The following MMP16 variants were observed in gnomAD, a reference collection of about 807,000 sequenced individuals.
MMP16 encodes matrix metalloproteinase-16.
A neutral mutation model predicts 67.8 loss-of-function variants in MMP16; 12 were observed. The ratio of observed to expected loss-of-function variants is 0.18; its 90% CI spans 0.11 to 0.29. The LOEUF is 0.29. Ranked by LOEUF, MMP16 falls within the 10% of genes least tolerant of loss-of-function variation. The pLI is 1.00. For missense variants in MMP16, 475 were observed against 765.7 expected (o/e 0.62, Z 4.48); for synonymous variants, 249 against 255.9 (o/e 0.97, Z 0.26).
chr8:88,308,979 C>CA (rs71277998), intron 1 of MMP16, among the ~76,000 whole-genome samples: 5,770 of 149,362 alleles, frequency 0.039, 135 homozygotes, highest in Middle Eastern at 0.09. Flanking sequence ...TTTACACTTG[C>CA]AAAAAAAAAT....
chr8:88,294,767 C>A (rs551152746), intron 1 of MMP16, among the ~76,000 whole-genome samples: 321 of 152,062 alleles, frequency 2.1e-3, no homozygotes, highest in African/African-American at 7.1e-3. Flanking sequence ...CAGGCTGGAG[C>A]GCAGTGGTGC....
chr8:88,168,365 T>C (rs28907592), intron 3 of MMP16, among the ~76,000 whole-genome samples: 11,587 of 152,224 alleles, frequency 0.076, 467 homozygotes, highest in South Asian at 0.11. Flanking sequence ...ACCATTGTAT[T>C]TGCACACATC....
At chr8:88,277,895 T>C (rs1284727846) in intron 1 of MMP16, among the ~76,000 whole-genome samples, 1 of 152,224 alleles carries the variant, frequency 6.6e-6, no homozygotes, top group Non-Finnish European at 1.5e-5. Flanking sequence ...GTGTTCCTCA[T>C]GCAGTAACAT....
At position 88,327,043 on chromosome 8, in the gene MMP16, C is replaced by A. The variant is rs752766355; in HGVS notation, c.132+32G>T. The A allele has an allele frequency of 2.5e-6, 4 of 1,611,808 alleles. No homozygotes were observed. In the Admixed American group the frequency reaches 6.7e-5, roughly 27 times the overall value. On this transcript the variant is annotated intron_variant, in intron 1 of 9. Coordinates refer to ENST00000286614, the MANE Select transcript of MMP16 (RefSeq NM_005941.5). ...ATGTTTCAGGGAGCAGCCCAGGCAG[C>A]GGGGGGAGGAAGAAAGCCCTCGCAC...
chr8:88,044,682 A>C (rs1301206349), intron 9 of MMP16, among the ~76,000 whole-genome samples: 1 of 152,090 alleles, frequency 6.6e-6, no homozygotes, highest in Non-Finnish European at 1.5e-5. Context: ...GGACTTGTCT[A>C]TTGTTTCATC....
intron 4 of MMP16, among the ~76,000 whole-genome samples, chr8:88,166,688 C>CATATATATATAT (rs1166566212): frequency 1.2e-3 from 70 of 58,382 alleles, no homozygotes; most frequent in Non-Finnish European, 1.8e-3. Flanking sequence ...CAAAAAATTA[C>CATATATATATAT]ATATATATAT....
chr8:88,079,591 T>C (rs1453785960), intron 6 of MMP16, among the ~76,000 whole-genome samples: 2 of 152,170 alleles, frequency 1.3e-5, no homozygotes, highest in African/African-American at 4.8e-5. Flanking sequence ...TCAGCTGAAA[T>C]GTTATTCCGT....
chr8:88,224,465 A>G (rs1809736645), intron 1 of MMP16, among the ~76,000 whole-genome samples: 1 of 151,992 alleles, frequency 6.6e-6, no homozygotes, highest in Admixed American at 6.6e-5. Flanking sequence ...GTTTCTTTAG[A>G]CAGTTTATAT....
At chr8:88,211,374 A>G (rs1030348680) in intron 1 of MMP16, among the ~76,000 whole-genome samples, 1 of 152,176 alleles carries the variant, frequency 6.6e-6, no homozygotes, top group African/African-American at 2.4e-5. Flanking sequence ...TGGTGCATAC[A>G]GATTTGGGGG....
Position 88,041,946 on chromosome 8 carries a change from G to T in MMP16, c.1490-151C>A, listed in dbSNP as rs1295065771. On this transcript the variant is annotated intron_variant, in intron 9 of 9. Transcript: ENST00000286614. This position sits in a 1 kb window ranked among gnomAD's most constrained non-coding sequence, Gnocchi z 6.0. ...AGAAAACACTATTTTCAGCTCAGCT[G>T]TCTGTTAAGATGGCTGTGGCTGCTG... 2 of 654,570 alleles carry T rather than the reference G, an allele frequency of 3.1e-6. No individual in the cohort carries two copies. The highest frequency in any genetic ancestry group is 5.2e-6 in the Non-Finnish European group (2 of 387,308). 40.5% of individuals were successfully genotyped at this position (654,570 alleles called of 1,614,324 possible).
chr8:88,241,716 TTTAA>T, intron 1 of MMP16, among the ~76,000 whole-genome samples: 1 of 152,034 alleles, frequency 6.6e-6, no homozygotes, highest in Middle Eastern at 3.3e-3. Flanking sequence ...ACTTTTTCCT[TTTAA>T]TTGACAAATA....
chr8:88,107,374 T>G (rs1443940291), intron 6 of MMP16, among the ~76,000 whole-genome samples: 1 of 151,128 alleles, frequency 6.6e-6, no homozygotes, highest in East Asian at 1.9e-4. Context: ...TTACTTTTAA[T>G]TTTTAGAATA....
At chr8:88,227,132 T>G (rs1396778473) in intron 1 of MMP16, among the ~76,000 whole-genome samples, 1 of 152,036 alleles carries the variant, frequency 6.6e-6, no homozygotes, top group Non-Finnish European at 1.5e-5. Flanking sequence ...TAATGATGTG[T>G]AGTCTGTGAG....
intron 6 of MMP16, among the ~76,000 whole-genome samples, chr8:88,087,378 C>T (rs761132811): frequency 8.6e-5 from 13 of 151,752 alleles, no homozygotes; most frequent in South Asian, 2.1e-4. Context: ...GCTTTTTAGC[C>T]GACTGTCCTG....
At chr8:88,066,113 C>T (rs1250188517) in intron 7 of MMP16, among the ~76,000 whole-genome samples, 1 of 152,090 alleles carries the variant, frequency 6.6e-6, no homozygotes, top group Non-Finnish European at 1.5e-5. Context: ...AACCTTTCAG[C>T]TACTTGATTT....
At chr8:88,193,656 G>A (rs1468586742) in intron 2 of MMP16, among the ~76,000 whole-genome samples, 1 of 151,894 alleles carries the variant, frequency 6.6e-6, no homozygotes, top group Non-Finnish European at 1.5e-5. Flanking sequence ...ACCCTGATTT[G>A]ATCACTATGT....
At position 88,041,824 on chromosome 8, in the gene MMP16, G is replaced by A; in HGVS notation, c.1490-29C>T. On this transcript the variant is annotated intron_variant, in intron 9 of 9. Coordinates refer to ENST00000286614, the MANE Select transcript of MMP16 (RefSeq NM_005941.5). The surrounding 1 kb of genome is among the most constrained non-coding windows in gnomAD (Gnocchi z 6.0). ...GGGGGAAAAACATACACACACACAGGTACCACTTATTTGTGACAGTGTATA... is the reference window on the plus strand; with the variant it reads ...GGGGGAAAAACATACACACACACAGATACCACTTATTTGTGACAGTGTATA... 2 of 1,485,594 alleles carry A rather than the reference G, an allele frequency of 1.3e-6. No individual in the cohort carries two copies. Among genetic ancestry groups the A allele is most frequent in the Non-Finnish European group, 1.9e-6 (2 of 1,078,770 alleles). The allele number at this position is 1,485,594 out of a possible 1,614,324, so 92.0% of individuals were successfully genotyped here. A position where few individuals can be genotyped will look rare whatever the true frequency, so the allele number is the denominator to read the frequency against.
chr8:88,093,597 T>C (rs1242326415), intron 6 of MMP16, among the ~76,000 whole-genome samples: 1 of 151,866 alleles, frequency 6.6e-6, no homozygotes, highest in African/African-American at 2.4e-5. Context: ...TTAATGTTGT[T>C]TGGTATCCAG....
intron 1 of MMP16, among the ~76,000 whole-genome samples, chr8:88,227,406 C>T (rs1809788345): frequency 2.0e-5 from 3 of 151,998 alleles, no homozygotes; most frequent in African/African-American, 7.2e-5. Context: ...TTCACAACAT[C>T]ATATTTAAAA....
Sources: allele counts gnomAD v4.1 joint callset (sites outside exome capture counted in the v4.1 genomes callset), GRCh38; gene constraint gnomAD v4.1.1; non-coding constraint Gnocchi (gnomAD v3.1); transcripts MANE v1.5; gene names NCBI Gene and HGNC (gene_info 2026-07-23, HGNC 2026-07-21).